Variants in RASSF3 observed in about 807,000 individuals in gnomAD.
The protein encoded by RASSF3 is ras association domain-containing protein 3.
A neutral mutation model predicts 19.9 loss-of-function variants in RASSF3; 19 were observed. The ratio of observed to expected loss-of-function variants is 0.96; its 90% CI spans 0.67 to 1.40. The LOEUF is 1.40. RASSF3 is among the 40% of genes most tolerant of loss of function. The pLI is 0.00. For missense variants in RASSF3, 306 were observed against 289.8 expected (o/e 1.06, Z -0.41); for synonymous variants, 110 against 104.2 (o/e 1.06, Z -0.34).
At chr12:64,596,127 C>T (rs1249765920) in intron 2 of RASSF3, among the ~76,000 whole-genome samples, 1 of 152,244 alleles carries the variant, frequency 6.6e-6, no homozygotes, top group African/African-American at 2.4e-5. Flanking sequence ...ACTCAGTCTA[C>T]TAGCATTTGA....
chr12:64,566,862 C>G (rs1869439200), intron 2 of RASSF3, among the ~76,000 whole-genome samples: 1 of 152,180 alleles, frequency 6.6e-6, no homozygotes, highest in Non-Finnish European at 1.5e-5. Flanking sequence ...TCCTAAAACT[C>G]TGAGGTGGTG....
rs1471289379 is a variant in RASSF3, at chr12:64,563,067, C to T, written c.294+21362C>T. 3.3e-5 allele frequency among the ~76,000 whole-genome samples: 5 copies of T among 152,230 alleles called. No homozygotes were observed. The East Asian group carries it at 7.7e-4, about 23-fold the overall frequency. On this transcript the variant is annotated intron_variant, in intron 2 of 5. Coordinates refer to the RASSF3 transcript ENST00000637125. ...ATGTCAAAGCCACCATCATCTCACT[C>T]ATACCAATATAACAGCCTCCTATCT...
chr12:64,590,821 C>T (rs1869908572), intron 2 of RASSF3, among the ~76,000 whole-genome samples: 1 of 152,264 alleles, frequency 6.6e-6, no homozygotes, highest in South Asian at 2.1e-4. Context: ...CTCAGTTTCT[C>T]ATCTGTGAAG....
At chr12:64,517,849 G>A (rs1434299952) in intron 1 of RASSF3, among the ~76,000 whole-genome samples, 2 of 151,906 alleles carry the variant, frequency 1.3e-5, no homozygotes, top group Non-Finnish European at 2.9e-5. Flanking sequence ...GAACTCCTGG[G>A]CTCAAGTGAT....
intron 2 of RASSF3, among the ~76,000 whole-genome samples, chr12:64,587,266 AG>A (rs887705112): frequency 6.6e-6 from 1 of 151,984 alleles, no homozygotes; most frequent in Non-Finnish European, 1.5e-5. Context: ...CATGTTGGTC[AG>A]GCTGGTCTTG....
chr12:64,576,850 C>CA (rs56963418), intron 2 of RASSF3, among the ~76,000 whole-genome samples: 34,825 of 85,406 alleles, frequency 0.41, 6,205 homozygotes, highest in African/African-American at 0.5. Flanking sequence ...GACCCTGTCT[C>CA]AAAAAAAAAA....
At chr12:64,530,958 T>A (rs1186190333), upstream of RASSF3, among the ~76,000 whole-genome samples, 1 of 152,250 alleles carries the variant, frequency 6.6e-6, no homozygotes, top group Non-Finnish European at 1.5e-5. Context: ...TATTCCTATA[T>A]CAGACATGTG....
chr12:64,561,849 C>A (rs1204754872), intron 2 of RASSF3, among the ~76,000 whole-genome samples: 1 of 151,420 alleles, frequency 6.6e-6, no homozygotes, highest in Non-Finnish European at 1.5e-5. Flanking sequence ...AGCCCAACCA[C>A]GCCTGGCTAA....
intron 1 of RASSF3, among the ~76,000 whole-genome samples, chr12:64,612,838 A>G (rs548311413): frequency 4.6e-5 from 7 of 152,130 alleles, no homozygotes; most frequent in Non-Finnish European, 7.4e-5. Context: ...TATTATACTC[A>G]GGGTAGTATT....
intron 4 of RASSF3, among the ~76,000 whole-genome samples, chr12:64,693,826 G>A (rs148036466): frequency 8.3e-4 from 127 of 152,346 alleles, no homozygotes; most frequent in African/African-American, 2.7e-3. Flanking sequence ...TCCAAATAGC[G>A]AGAAGTACGG....
chr12:64,649,399 A>G (rs1871860083), intron 1 of RASSF3, among the ~76,000 whole-genome samples: 1 of 152,012 alleles, frequency 6.6e-6, no homozygotes, highest in Admixed American at 6.6e-5. Flanking sequence ...TCACCGTGTT[A>G]GCCAGGATGG....
intron 3 of RASSF3, among the ~76,000 whole-genome samples, chr12:64,689,804 T>TTTTTTTTTTTTTTTTTTG (rs11272662): frequency 6.8e-6 from 1 of 146,316 alleles, no homozygotes. Context: ...TTTTTTTTTT[T>TTTTTTTTTTTTTTTTTTG]GAGACGGAGT....
intron 1 of RASSF3, among the ~76,000 whole-genome samples, chr12:64,521,650 C>A (rs1208655083): frequency 6.6e-6 from 1 of 152,154 alleles, no homozygotes; most frequent in African/African-American, 2.4e-5. Context: ...TTCTTCCATG[C>A]GTCTATGTCG....
chr12:64,544,037 A>G (rs1318106731), downstream of RASSF3, among the ~76,000 whole-genome samples: 1 of 152,124 alleles, frequency 6.6e-6, no homozygotes, highest in Non-Finnish European at 1.5e-5. Flanking sequence ...GGGCCAGATA[A>G]GAGAATAAAG....
chr12:64,519,820 G>T (rs1868430979), intron 1 of RASSF3, among the ~76,000 whole-genome samples: 1 of 152,062 alleles, frequency 6.6e-6, no homozygotes, highest in Non-Finnish European at 1.5e-5. Context: ...GCATATATGT[G>T]TGTGCGTGTA....
rs145778445 is a variant in RASSF3 at position 64,685,291 on chromosome 12, G to A, written c.219+397G>A. On this transcript the variant is annotated intron_variant, in intron 2 of 4. Coordinates refer to ENST00000542104, the MANE Select transcript of RASSF3 (RefSeq NM_178169.4). ...AACAAGGTTTTGCTCTGTCACCTGG[G>A]CTGGAGAGCAGTGGCACGATCACCG... 4.6e-5 allele frequency among the ~76,000 whole-genome samples: 7 copies of A among 152,256 alleles called. No homozygotes were observed. In the East Asian group the frequency reaches 1.2e-3, roughly 25 times the overall value.
intron 1 of RASSF3, among the ~76,000 whole-genome samples, chr12:64,640,741 C>T (rs1043647283): frequency 6.6e-6 from 1 of 152,080 alleles, no homozygotes. Flanking sequence ...CTCCCGGGCC[C>T]AAGTGATCCT....
intron 2 of RASSF3, among the ~76,000 whole-genome samples, chr12:64,556,506 GTCCT>G (rs1423306448): frequency 1.3e-5 from 2 of 152,094 alleles, no homozygotes; most frequent in Admixed American, 1.3e-4. Flanking sequence ...TGTTAAAGGA[GTCCT>G]TCCTTTTGCA....
At chr12:64,534,716 G>A (rs1354353385) in intron 1 of RASSF3, among the ~76,000 whole-genome samples, 2 of 152,058 alleles carry the variant, frequency 1.3e-5, no homozygotes, top group African/African-American at 4.8e-5. Flanking sequence ...GTATTTTTAG[G>A]GTGGGAAGGG....
Sources: allele counts gnomAD v4.1 joint callset (sites outside exome capture counted in the v4.1 genomes callset), GRCh38; gene constraint gnomAD v4.1.1; transcripts MANE v1.5; gene names NCBI Gene and HGNC (gene_info 2026-07-23, HGNC 2026-07-21).